The following ANKHD1 variants were observed in gnomAD, a reference collection of about 807,000 sequenced individuals.
ANKHD1 encodes the protein ankyrin repeat and KH domain-containing protein 1.
Under a neutral mutation model 230.5 loss-of-function variants are expected in ANKHD1, and 31 were observed. The observed-to-expected ratio is 0.13, with a 90% CI of 0.10 to 0.18. The LOEUF is 0.18. Ranked by LOEUF, ANKHD1 falls within the 10% of genes least tolerant of loss-of-function variation. The probability of loss-of-function intolerance (pLI) is 1.00; values close to 1 mark genes in which losing one functional copy is unlikely to be tolerated. For synonymous variants in ANKHD1, 1,074 were observed against 1,117.6 expected (o/e 0.96, Z 0.78); for missense variants, 2,256 against 3,071.3 (o/e 0.73, Z 6.27).
At chr5:140,412,529 T>C (rs920093064) in intron 1 of ANKHD1, among the ~76,000 whole-genome samples, 18 of 152,260 alleles carry the variant, frequency 1.2e-4, no homozygotes, top group Non-Finnish European at 1.9e-4. Flanking sequence ...CACTAGAGTA[T>C]AGGGGGAGCA....
chr5:140,477,179 G>A (rs1017790615), intron 10 of ANKHD1, among the ~76,000 whole-genome samples: 1 of 152,044 alleles, frequency 6.6e-6, no homozygotes, highest in Non-Finnish European at 1.5e-5. Context: ...TAAGCCAAAA[G>A]CACTTTTAGA....
intron 15 of ANKHD1, among the ~76,000 whole-genome samples, chr5:140,500,144 C>T (rs1378129775): frequency 3.9e-5 from 6 of 152,198 alleles, no homozygotes; most frequent in South Asian, 2.1e-4. Flanking sequence ...GTTGGTTTTA[C>T]GGGCGTGAGC....
intron 2 of ANKHD1, 88 bp downstream of exon 2, chr5:140,436,345 C>A (rs1773444697): frequency 7.9e-7 from 1 of 1,273,416 alleles, no homozygotes; most frequent in Non-Finnish European, 1.0e-6. Context: ...AATTCTATAA[C>A]ATTATACAAA....
rs58763885 is a variant in ANKHD1 at position 140,453,200 on chromosome 5, A to G, written c.1242+3895A>G. On this transcript the variant is annotated intron_variant, in intron 7 of 33. Coordinates refer to ENST00000360839, the MANE Select transcript of ANKHD1 (RefSeq NM_017747.3). ...AAGAAATGAGCAAAGCCTCCAAGAA[A>G]TATGGGACTATGTGAAAAGACCAAA... is the stretch of plus-strand genomic sequence containing the variant. Among the ~76,000 whole-genome samples, 525 of 152,334 alleles carry G rather than the reference A, an allele frequency of 3.4e-3. 4 individuals are homozygous for G. Among genetic ancestry groups the G allele is most frequent in the African/African-American group, 0.012 (489 of 41,586 alleles).
In ANKHD1 at chr5:140,535,444, A is replaced by G. The variant is rs138295985; in HGVS notation, c.6933A>G (p.Thr2311=). Reference sequence around the variant, plus strand: ...CAAGTTTTTCCGGCATACCAGGAACAAGGGTTTTCCTGCAAGGGCCAGCTC... The same window carrying G: ...CAAGTTTTTCCGGCATACCAGGAACGAGGGTTTTCCTGCAAGGGCCAGCTC... ...PLASFSGIPG[T]RVFLQGPAPV... Residue 2311 remains threonine, a synonymous_variant, in exon 30 of 34, where the codon ACA becomes ACG. Coordinates refer to ENST00000360839, the MANE Select transcript of ANKHD1 (RefSeq NM_017747.3). The G allele has an allele frequency of 3.1e-6, 5 of 1,613,716 alleles. No individual in the cohort carries two copies. The highest frequency in any genetic ancestry group is 4.2e-6 in the Non-Finnish European group (5 of 1,179,902).
rs1352198683 is a variant in ANKHD1 at position 140,539,349 on chromosome 5, C to T, written c.7570-10C>T. The T allele has an allele frequency of 6.2e-7, 1 of 1,612,658 alleles. No individual in the cohort carries two copies. Among genetic ancestry groups the T allele is most frequent in the Admixed American group, 1.7e-5 (1 of 59,692 alleles). On this transcript the variant is annotated splice_polypyrimidine_tract_variant and intron_variant, in intron 33 of 33. Coordinates refer to ENST00000360839, the MANE Select transcript of ANKHD1 (RefSeq NM_017747.3). ...AATTAGAAATTCCAATTTTTCCTCC[C>T]CCTTTTCAGATTTGGCCTGGCACGT... is the stretch of plus-strand genomic sequence containing the variant.
In ANKHD1 at chr5:140,509,761, C is replaced by T; in HGVS notation, c.3890C>T (p.Thr1297Ile). 1.9e-6 allele frequency: 3 copies of T among 1,612,684 alleles called. No individual in the cohort carries two copies. The highest frequency in any genetic ancestry group is 2.5e-6 in the Non-Finnish European group (3 of 1,179,726). Residue 1297 changes from threonine to isoleucine, a missense_variant, in exon 21 of 34, where the codon ACA (threonine) becomes ATA (isoleucine). By Grantham distance (89) the Thr-to-Ile change is moderately conservative. This residue lies in a region of ANKHD1 where 195 missense variants were observed against 340.3 expected (regional missense o/e 0.57). Coordinates refer to ENST00000360839, the MANE Select transcript of ANKHD1 (RefSeq NM_017747.3). The part of the protein sequence containing the change: ...PVPSSRDTAL[T>I]IAADKGHYKF... Reference sequence around the variant, plus strand: ...CCTTCCTCAAGAGATACTGCTTTAACAATAGCAGCAGACAAAGGTCACTAC... The same window carrying T: ...CCTTCCTCAAGAGATACTGCTTTAATAATAGCAGCAGACAAAGGTCACTAC...
chr5:140,487,801 T>C (rs561193503), intron 14 of ANKHD1, among the ~76,000 whole-genome samples: 2 of 152,356 alleles, frequency 1.3e-5, no homozygotes, highest in East Asian at 1.9e-4. Context: ...AACAAACTTA[T>C]GAACATCGTT....
intron 1 of ANKHD1, among the ~76,000 whole-genome samples, chr5:140,433,514 C>T (rs139168896): frequency 7.2e-5 from 11 of 152,288 alleles, no homozygotes; most frequent in African/African-American, 1.4e-4. Context: ...AAAGTCTTCA[C>T]GGGTTACTAG....
Position 140,485,380 on chromosome 5 carries a change from G to A in ANKHD1, c.1998+132G>A, listed in dbSNP as rs1407135985. The A allele has an allele frequency of 2.3e-6, 2 of 876,546 alleles. No homozygotes were observed. Among genetic ancestry groups the A allele is most frequent in the East Asian group, 9.5e-5 (2 of 20,944 alleles). The allele number at this position is 876,546 out of a possible 1,614,324, so 54.3% of individuals were successfully genotyped here. ...GAGACTAGTCTAGGCAACATAAGGA[G>A]ACCCCATCTCTATTAAAACACACAC... On this transcript the variant is annotated intron_variant, in intron 12 of 33. Transcript: ENST00000360839. The surrounding 1 kb of genome is among the most constrained non-coding windows in gnomAD (Gnocchi z 4.8).
intron 9 of ANKHD1, among the ~76,000 whole-genome samples, chr5:140,461,729 G>A (rs1201095263): frequency 6.6e-6 from 1 of 151,688 alleles, no homozygotes; most frequent in Non-Finnish European, 1.5e-5. Flanking sequence ...GATTAAAAAT[G>A]TTACTTTTAT....
chr5:140,434,086 TAATAA>T (rs1773263851), intron 1 of ANKHD1, among the ~76,000 whole-genome samples: 1 of 152,200 alleles, frequency 6.6e-6, no homozygotes, highest in Non-Finnish European at 1.5e-5. Context: ...CATCATTAGA[TAATAA>T]AATAAGTTAT....
chr5:140,463,116 G>A (rs533545920), intron 9 of ANKHD1, among the ~76,000 whole-genome samples: 21 of 152,074 alleles, frequency 1.4e-4, no homozygotes, highest in African/African-American at 5.1e-4. Context: ...CCCAAAGCGC[G>A]GAGATTACAG....
At chr5:140,469,339 CAAAA>C (rs1034952876) in intron 10 of ANKHD1, among the ~76,000 whole-genome samples, 4 of 87,582 alleles carry the variant, frequency 4.6e-5, no homozygotes, top group Admixed American at 2.5e-4. Context: ...CTGTCTCTAC[CAAAA>C]AAAAAAAAAA....
chr5:140,405,473 C>G (rs1412367674), intron 1 of ANKHD1, among the ~76,000 whole-genome samples: 1 of 152,002 alleles, frequency 6.6e-6, no homozygotes, highest in Non-Finnish European at 1.5e-5. Context: ...TTTCCCTTTT[C>G]TTTTTCTGTC....
At chr5:140,523,000 T>C (rs960373160) in intron 24 of ANKHD1, among the ~76,000 whole-genome samples, 2 of 152,210 alleles carry the variant, frequency 1.3e-5, no homozygotes, top group East Asian at 3.9e-4. Flanking sequence ...AGATCCTTTT[T>C]CTGTTTTTAA....
chr5:140,404,989 GTGTGTGTGTGTGTGTGTGTGTGTGTA>G lies in ANKHD1; in HGVS notation c.306+2722_306+2747del, dbSNP rs1163727452. Among the ~76,000 whole-genome samples, 6 of 151,140 alleles carry G rather than the reference GTGTGTGTGTGTGTGTGTGTGTGTGTA, an allele frequency of 4.0e-5. No individual in the cohort carries two copies. In the East Asian group the frequency reaches 1.2e-3, roughly 29 times the overall value. On this transcript the variant is annotated intron_variant, in intron 1 of 33. Transcript: ENST00000360839. Reference sequence around the variant, plus strand: ...TGTCTGTGTGTGTGTGTGTGTGTGTGTGTGTGTGTGTGTGTGTGTGTGTGTATGTGTAATGGTCTTTGGAGTCTCCA... The same window carrying G: ...TGTCTGTGTGTGTGTGTGTGTGTGTGTGTGTAATGGTCTTTGGAGTCTCCA...
chr5:140,431,937 G>A (rs1182837839), intron 1 of ANKHD1, among the ~76,000 whole-genome samples: 4 of 152,156 alleles, frequency 2.6e-5, no homozygotes, highest in African/African-American at 9.7e-5. Context: ...GGAAGTCACT[G>A]CTACTGGTTC....
chr5:140,507,851 A>C lies in ANKHD1; in HGVS notation c.3618A>C (p.Val1206=). The change falls in exon 20 of 34, where the codon GTA becomes GTC. Residue 1206 remains valine, a synonymous_variant. Coordinates refer to ENST00000360839, the MANE Select transcript of ANKHD1 (RefSeq NM_017747.3). The surrounding 1 kb of genome is among the most constrained non-coding windows in gnomAD (Gnocchi z 4.1). The stretch of plus-strand genomic sequence containing the variant: ...CAATGAATGGACATGTTCCTGCAGT[A>C]AAATTGCTGCTCGATATGGGTTCAG... ...LAAMNGHVPA[V]KLLLDMGSDI... 6.2e-7 allele frequency: 1 copy of C among 1,614,192 alleles called. No individual in the cohort carries two copies. The highest frequency in any genetic ancestry group is 1.1e-5 in the South Asian group (1 of 91,086).
Sources: gnomAD v4.1 joint callset for allele counts (sites outside exome capture counted in the v4.1 genomes callset) on GRCh38, gnomAD v4.1.1 for gene constraint, gnomAD v4.1.1 regional missense constraint, Gnocchi (gnomAD v3.1) non-coding constraint, MANE v1.5 for transcripts, NCBI Gene and HGNC (gene_info 2026-07-23, HGNC 2026-07-21) for gene names.